MTUS2: variants seen among roughly 807,000 people sequenced by gnomAD.
The protein encoded by MTUS2 is microtubule associated scaffold protein 2.
In MTUS2, 40 loss-of-function variants were observed where a neutral mutation model predicts 114.1. The ratio of observed to expected loss-of-function variants is 0.35; its 90% CI spans 0.27 to 0.46. The LOEUF is 0.46. MTUS2 is among the 20% of genes least tolerant of loss of function. MTUS2 has a pLI of 1.00. For missense variants in MTUS2, 1,679 were observed against 1,705.4 expected, an observed-to-expected ratio of 0.98 and a Z score of 0.27; for synonymous variants, 688 against 672.0, an observed-to-expected ratio of 1.02 and a Z score of -0.37.
At chr13:29,103,871 C>T (rs972028174) in intron 5 of MTUS2, among the ~76,000 whole-genome samples, 2 of 152,234 alleles carry the variant, frequency 1.3e-5, no homozygotes, top group Non-Finnish European at 1.5e-5. Flanking sequence ...ACAATGTCCA[C>T]ACTGACTGTG....
At chr13:29,406,458 TC>T (rs1874760889) in intron 8 of MTUS2, among the ~76,000 whole-genome samples, 1 of 152,136 alleles carries the variant, frequency 6.6e-6, no homozygotes, top group African/African-American at 2.4e-5. Context: ...AGGCTTCAAT[TC>T]CTCACCACAG....
chr13:29,236,721 T>C (rs765848151), intron 5 of MTUS2, among the ~76,000 whole-genome samples: 75 of 152,230 alleles, frequency 4.9e-4, no homozygotes, highest in African/African-American at 1.8e-3. Flanking sequence ...GGGTCTCCAG[T>C]GGAGGAAGAG....
intron 9 of MTUS2, among the ~76,000 whole-genome samples, chr13:29,457,312 C>T (rs900193647): frequency 2.0e-5 from 3 of 152,008 alleles, no homozygotes; most frequent in Non-Finnish European, 4.4e-5. Context: ...TCCAGCCAAG[C>T]CCCCCTTCTT....
chr13:29,498,277 A>G (rs1566239863), intron 13 of MTUS2, 141 bp from the exon 14 acceptor site: 12 of 1,207,288 alleles, frequency 9.9e-6, no homozygotes, highest in South Asian at 1.5e-5. Flanking sequence ...GAAGGCTGTG[A>G]GCATCCTCTC....
chr13:29,032,628 G>A (rs555897144), intron 3 of MTUS2, among the ~76,000 whole-genome samples: 1 of 152,302 alleles, frequency 6.6e-6, no homozygotes, highest in East Asian at 1.9e-4. Flanking sequence ...ATATTTTACA[G>A]TGTGATTATG....
chr13:29,270,717 GCT>G (rs1897852538), intron 5 of MTUS2, among the ~76,000 whole-genome samples: 1 of 152,242 alleles, frequency 6.6e-6, no homozygotes, highest in Non-Finnish European at 1.5e-5. Context: ...GGCCCTGTGA[GCT>G]CTCAGCATCA....
chr13:29,253,855 G>A (rs1280883742), intron 5 of MTUS2, among the ~76,000 whole-genome samples: 2 of 152,090 alleles, frequency 1.3e-5, no homozygotes, highest in Non-Finnish European at 2.9e-5. Flanking sequence ...CTTGTGCAGG[G>A]GAGCTCCTCT....
At chr13:28,826,083 T>C (rs1262104582) in intron 1 of MTUS2, among the ~76,000 whole-genome samples, 1 of 152,168 alleles carries the variant, frequency 6.6e-6, no homozygotes, top group African/African-American at 2.4e-5. Flanking sequence ...GTATATATTC[T>C]ATATGTTGGT....
chr13:29,057,593 G>A (rs112002338), intron 4 of MTUS2, among the ~76,000 whole-genome samples: 4,338 of 152,168 alleles, frequency 0.029, 95 homozygotes, highest in Middle Eastern at 0.055. Context: ...CTTAAAGTCT[G>A]TTTTGCCTGA....
intron 8 of MTUS2, among the ~76,000 whole-genome samples, chr13:29,388,852 T>C (rs1253140389): frequency 2.0e-5 from 3 of 152,090 alleles, no homozygotes; most frequent in African/African-American, 7.2e-5. Flanking sequence ...TGATTTTTGA[T>C]GGGCCCATTC....
At chr13:29,075,164 A>T (rs9508259) in intron 4 of MTUS2, among the ~76,000 whole-genome samples, 27,307 of 152,058 alleles carry the variant, frequency 0.18, 2,850 homozygotes, top group Non-Finnish European at 0.24. Flanking sequence ...AGGTTCATCC[A>T]GTTTACACCA....
chr13:29,454,103 C>T (rs1474272493), intron 9 of MTUS2, among the ~76,000 whole-genome samples: 5 of 152,154 alleles, frequency 3.3e-5, no homozygotes, highest in East Asian at 1.9e-4. Context: ...GGTCAAAGGA[C>T]GTCAATCTGT....
chr13:29,194,929 G>GTA (rs1296627263), intron 5 of MTUS2, among the ~76,000 whole-genome samples: 2 of 149,158 alleles, frequency 1.3e-5, no homozygotes, highest in African/African-American at 4.9e-5. Context: ...AAAATGATGA[G>GTA]TTCATGTCCT....
chr13:29,400,850 C>T (rs184430126), intron 8 of MTUS2, among the ~76,000 whole-genome samples: 1 of 152,192 alleles, frequency 6.6e-6, no homozygotes, highest in African/African-American at 2.4e-5. Context: ...TATGCTATTC[C>T]TCAAAGAGAG....
intron 7 of MTUS2, among the ~76,000 whole-genome samples, chr13:29,341,396 G>C (rs1901389177): frequency 6.6e-6 from 1 of 152,112 alleles, no homozygotes; most frequent in Non-Finnish European, 1.5e-5. Flanking sequence ...GCATCTCCCT[G>C]ATGATTAATG....
intron 9 of MTUS2, among the ~76,000 whole-genome samples, chr13:29,444,517 C>T (rs1241424687): frequency 1.3e-5 from 2 of 152,360 alleles, no homozygotes; most frequent in Admixed American, 1.3e-4. Context: ...GTTAGACTCA[C>T]CTGCAGTGCT....
At chr13:28,842,648 A>G (rs1336433396) in intron 2 of MTUS2, among the ~76,000 whole-genome samples, 4 of 152,194 alleles carry the variant, frequency 2.6e-5, no homozygotes, top group Non-Finnish European at 4.4e-5. Flanking sequence ...ATTTTAAAGA[A>G]GAGATCCTTT....
At chr13:29,011,301 T>C (rs1299565639) in intron 2 of MTUS2, among the ~76,000 whole-genome samples, 2 of 152,220 alleles carry the variant, frequency 1.3e-5, no homozygotes, top group Non-Finnish European at 2.9e-5. Flanking sequence ...TTGTCTATTC[T>C]GATAATGAAG....
chr13:28,992,866 G>A (rs1253964968), intron 2 of MTUS2, among the ~76,000 whole-genome samples: 1 of 151,966 alleles, frequency 6.6e-6, no homozygotes, highest in Non-Finnish European at 1.5e-5. Flanking sequence ...GACTGAAACC[G>A]TCCCCGTTAA....
Sources: gnomAD v4.1 joint callset for allele counts (sites outside exome capture counted in the v4.1 genomes callset) on GRCh38, gnomAD v4.1.1 for gene constraint, MANE v1.5 for transcripts, NCBI Gene and HGNC (gene_info 2026-07-23, HGNC 2026-07-21) for gene names.